Variants in MNDA observed in about 807,000 individuals in gnomAD.
MNDA encodes the protein myeloid cell nuclear differentiation antigen, also known as epididymis secretory sperm binding protein.
MNDA carries 43 observed loss-of-function variants against 37.8 expected under a neutral mutation model. That is an observed-to-expected ratio of 1.14 (90% CI 0.89 to 1.47). The LOEUF is 1.47. Ranked by LOEUF, MNDA falls within the 40% of genes most tolerant of loss-of-function variation. MNDA has a pLI of 0.00. For missense variants in MNDA, 536 were observed against 476.0 expected (o/e 1.13, Z -1.17); for synonymous variants, 181 against 169.0 (o/e 1.07, Z -0.55).
chr1:158,846,079 C>A, intron 5 of MNDA, 76 bp downstream of exon 5: 1 of 1,329,198 alleles, frequency 7.5e-7, no homozygotes, highest in Non-Finnish European at 1.0e-6. Context: ...GACTTACTGT[C>A]TGAATATTGG....
In MNDA at chr1:158,847,765, A is replaced by G. The variant is rs1659165912; in HGVS notation, c.1025A>G (p.Gln342Arg). The change falls in exon 6 of 7, where the codon CAG becomes CGG. Residue 342 changes from glutamine to arginine, a missense_variant. Gln to Arg is a conservative substitution (Grantham distance 43, BLOSUM62 1). Coordinates refer to ENST00000368141, the MANE Select transcript of MNDA (RefSeq NM_002432.3). ...AAGAAGAACACAATTTATGAAATAC[A>G]GGATAATACAGGATCCATGGATGTA... ...VHKKNTIYEI[Q>R]DNTGSMDVVG... The G allele has an allele frequency of 4.3e-6, 7 of 1,612,702 alleles. No homozygotes were observed. The East Asian group carries it at 1.6e-4, about 36-fold the overall frequency.
At chr1:158,842,748 T>C in intron 2 of MNDA, 1 of 200,922 alleles carries the variant, frequency 5.0e-6, no homozygotes, top group Non-Finnish European at 1.0e-5. Flanking sequence ...TTGAAATATT[T>C]ATATTTAACC....
At chr1:158,834,802 T>A (rs533486434) in intron 1 of MNDA, among the ~76,000 whole-genome samples, 7 of 152,324 alleles carry the variant, frequency 4.6e-5, no homozygotes, top group African/African-American at 1.7e-4. Flanking sequence ...ACATTTTGTA[T>A]ATGATGTAGG....
chr1:158,842,302 A>G lies in MNDA; in HGVS notation c.149A>G (p.Asp50Gly), dbSNP rs1659043327. ...QEEYNRIKITDLMEKKFQGVA... is the reference protein window; with the variant it reads ...QEEYNRIKITGLMEKKFQGVA... ...GAATACAACAGAATTAAGATTACAGATTTGATGGAAAAAAAGTTCCAAGGC... is the reference window on the plus strand; with the variant it reads ...GAATACAACAGAATTAAGATTACAGGTTTGATGGAAAAAAAGTTCCAAGGC... Residue 50 changes from aspartate to glycine, a missense_variant, in exon 2 of 7, where the codon GAT (aspartate) becomes GGT (glycine). By Grantham distance (94) the Asp-to-Gly change is moderately conservative (BLOSUM62 -1). Transcript: ENST00000368141. 2 of 1,614,076 alleles carry G rather than the reference A, an allele frequency of 1.2e-6. No individual in the cohort carries two copies. Among genetic ancestry groups the G allele is most frequent in the Non-Finnish European group, 1.7e-6 (2 of 1,180,018 alleles).
At position 158,845,985 on chromosome 1, in the gene MNDA, GTTGT is replaced by G. The variant is rs1349410657; in HGVS notation, c.972_975del (p.Phe325CysfsTer25). 1.2e-6 allele frequency: 2 copies of G among 1,603,280 alleles called. No homozygotes were observed. Among genetic ancestry groups the G allele is most frequent in the East Asian group, 4.5e-5 (2 of 44,754 alleles). ...AAGCATCTGGAACAATGGTGTATGG[GTTGT>G]TTATGTTACAAAAGGTAAACCCTTA... is the stretch of plus-strand genomic sequence containing the variant. On this transcript the variant is annotated frameshift_variant, in exon 5 of 7. Transcript: ENST00000368141. LOFTEE classifies it high-confidence loss of function.
intron 1 of MNDA, among the ~76,000 whole-genome samples, chr1:158,841,541 A>T (rs1284068640): frequency 1.3e-5 from 2 of 152,248 alleles, no homozygotes; most frequent in African/African-American, 4.8e-5. Flanking sequence ...ATAGATGCAT[A>T]GGACACAGAG....
chr1:158,847,328 A>G (rs1659153744), intron 5 of MNDA, among the ~76,000 whole-genome samples: 2 of 152,226 alleles, frequency 1.3e-5, no homozygotes, highest in Admixed American at 6.5e-5. Flanking sequence ...AATTAAAATA[A>G]TAATAAAGTG....
intron 5 of MNDA, 121 bp from the exon 6 acceptor site, chr1:158,847,607 T>C (rs1261338901): frequency 4.7e-6 from 4 of 847,080 alleles, no homozygotes; most frequent in Non-Finnish European, 7.0e-6. Context: ...CCAAGCCACA[T>C]GTATGATCTG....
chr1:158,832,846 T>G (rs1044652299), intron 1 of MNDA, among the ~76,000 whole-genome samples: 2 of 152,086 alleles, frequency 1.3e-5, no homozygotes, highest in African/African-American at 4.8e-5. Flanking sequence ...TTAATCCAAA[T>G]TGAAAATTTT....
intron 6 of MNDA, among the ~76,000 whole-genome samples, chr1:158,848,793 T>C (rs1205206244): frequency 6.6e-6 from 1 of 152,112 alleles, no homozygotes; most frequent in Non-Finnish European, 1.5e-5. Flanking sequence ...GAAGAGAGCT[T>C]ACTGTTGGAA....
Position 158,844,117 on chromosome 1 carries a change from A to T in MNDA, c.565A>T (p.Thr189Ser). The T allele has an allele frequency of 4.5e-6, 7 of 1,561,262 alleles. No homozygotes were observed. Among genetic ancestry groups the T allele is most frequent in the Non-Finnish European group, 6.1e-6 (7 of 1,154,072 alleles). The stretch of plus-strand genomic sequence containing the variant: ...ATCAACTCCATCCAACACTTCGTTT[A>T]CTCCGGTACACTCTTCCTGGTCCTC... ...SSSTPSNTSF[T>S]PNQETQAQRQ... The change falls in exon 4 of 7, where the codon ACT (threonine) becomes TCT (serine). Residue 189 changes from threonine to serine, a missense_variant. Physicochemically the swap from Thr to Ser is moderately conservative, Grantham distance 58. Coordinates refer to ENST00000368141, the MANE Select transcript of MNDA (RefSeq NM_002432.3).
At chr1:158,833,380 G>A (rs764532969) in intron 1 of MNDA, among the ~76,000 whole-genome samples, 1 of 152,174 alleles carries the variant, frequency 6.6e-6, no homozygotes, top group Non-Finnish European at 1.5e-5. Flanking sequence ...CAAGTGTACA[G>A]TTCAGTAGTA....
intron 1 of MNDA, among the ~76,000 whole-genome samples, chr1:158,836,283 G>GA (rs1372829456): frequency 7.9e-5 from 12 of 151,976 alleles, no homozygotes; most frequent in African/African-American, 2.9e-4. Context: ...AATTTTGAAA[G>GA]ACTTTGAGGA....
At chr1:158,843,215 C>G (rs576716864) in intron 2 of MNDA, 64 bp from the exon 3 acceptor site, 1 of 1,523,716 alleles carries the variant, frequency 6.6e-7, no homozygotes, top group South Asian at 1.3e-5. Flanking sequence ...GAAACTGCCT[C>G]AGCTGTCTTA....
chr1:158,844,470 G>A (rs1480451478), intron 4 of MNDA, among the ~76,000 whole-genome samples: 1 of 150,238 alleles, frequency 6.7e-6, no homozygotes, highest in Non-Finnish European at 1.5e-5. Context: ...CTTCAGAAAA[G>A]TATTCTGCTG....
chr1:158,844,282 C>G (rs1390534462), intron 4 of MNDA, among the ~76,000 whole-genome samples, 160 bp downstream of exon 4: 1 of 151,558 alleles, frequency 6.6e-6, no homozygotes, highest in African/African-American at 2.4e-5. Context: ...TGGTGAGAAG[C>G]CACATGCAAG....
In MNDA at chr1:158,834,995, A is replaced by G. The variant is rs141650070; in HGVS notation, c.-21+3438A>G. On this transcript the variant is annotated intron_variant, in intron 1 of 6. Coordinates refer to ENST00000368141, the MANE Select transcript of MNDA (RefSeq NM_002432.3). ...TCTTTATGTCTGTCTTTATGCCAATACCACACTGTTTTGATTATTGTGTCT... is the reference window on the plus strand; with the variant it reads ...TCTTTATGTCTGTCTTTATGCCAATGCCACACTGTTTTGATTATTGTGTCT... 2.0e-3 allele frequency among the ~76,000 whole-genome samples: 311 copies of G among 152,300 alleles called. 2 individuals are homozygous for G. The highest frequency in any genetic ancestry group is 6.9e-3 in the African/African-American group (288 of 41,548).
chr1:158,833,935 C>A (rs190137028), intron 1 of MNDA, among the ~76,000 whole-genome samples: 2 of 152,160 alleles, frequency 1.3e-5, no homozygotes, highest in Admixed American at 6.5e-5. Flanking sequence ...ATATTTTTTT[C>A]ATAGCATCTG....
At chr1:158,842,024 G>A (rs1659037104) in intron 1 of MNDA, 110 bp from the exon 2 acceptor site, 18 of 831,066 alleles carry the variant, frequency 2.2e-5, no homozygotes, top group South Asian at 1.3e-4. Flanking sequence ...TTTCTTATAC[G>A]CATCCAAGGA....
Sources: gnomAD v4.1 joint callset for allele counts (sites outside exome capture counted in the v4.1 genomes callset) on GRCh38, gnomAD v4.1.1 for gene constraint, MANE v1.5 for transcripts, NCBI Gene and HGNC (gene_info 2026-07-23, HGNC 2026-07-21) for gene names.